The following CRYBG3 variants were observed in gnomAD, a reference collection of about 807,000 sequenced individuals.
The protein encoded by CRYBG3 is very large A-kinase anchor protein.
Under a neutral mutation model 244.2 loss-of-function variants are expected in CRYBG3, and 127 were observed. The observed-to-expected ratio is 0.52, with a 90% CI of 0.45 to 0.60. The LOEUF (loss-of-function observed/expected upper bound fraction) is 0.60, where lower values mean the gene tolerates loss of function less well. Among genes scored for constraint, CRYBG3 ranks in the 20% least tolerant of loss-of-function variants. CRYBG3 has a pLI of 0.00. For missense variants in CRYBG3, 3,325 were observed against 3,442.5 expected (o/e 0.97, Z 0.85); for synonymous variants, 1,132 against 1,195.8 (o/e 0.95, Z 1.10).
At position 97,871,982 on chromosome 3, in the gene CRYBG3, C is replaced by G. The variant is rs931966727; in HGVS notation, c.788C>G (p.Ser263Cys). ...TLDRENESSD[S>C]STNRHIDPGS... is the part of the protein sequence containing the mutation. ...GACAGAGAAAATGAAAGTTCTGACT[C>G]TAGTACAAACAGACACATTGACCCT... The change falls in exon 4 of 22, where the codon TCT (serine) becomes TGT (cysteine). Residue 263 changes from serine (S) to cysteine (C), a missense_variant. By Grantham distance (112) the Ser-to-Cys change is moderately radical. Transcript: ENST00000389622. The G allele has an allele frequency of 1.3e-6, 2 of 1,535,726 alleles. No individual in the cohort carries two copies. Among genetic ancestry groups the G allele is most frequent in the African/African-American group, 1.4e-5 (1 of 73,014 alleles).
chr3:97,840,514 T>A (rs2038796956), intron 1 of CRYBG3: 1 of 152,128 alleles, frequency 6.6e-6, no homozygotes, highest in Non-Finnish European at 1.5e-5. Flanking sequence ...GATTTACTGC[T>A]GTGTTTTTCT....
In CRYBG3 at chr3:97,892,977, C is replaced by T. The variant is rs369729142; in HGVS notation, c.7558C>T (p.Arg2520Cys). The change falls in exon 11 of 22, where the codon CGT becomes TGT. Residue 2520 changes from arginine (R) to cysteine (C), a missense_variant. Arg to Cys is a radical substitution (Grantham distance 180, BLOSUM62 -3). This residue lies in a region of CRYBG3 where 714 missense variants were observed against 803.6 expected (regional missense o/e 0.89). Transcript: ENST00000389622. Reference protein sequence around the residue: ...NGDFHRIGSIRVIGGVWVAYE... With the variant: ...NGDFHRIGSICVIGGVWVAYE... ...AGATTTTCACAGAATTGGATCAATT[C>T]GTGTCATTGGTGGAGTGTGAGTATC... 27 of 1,597,282 alleles carry T rather than the reference C, an allele frequency of 1.7e-5. No homozygotes were observed. The highest frequency in any genetic ancestry group is 6.8e-5 in the African/African-American group (5 of 73,760).
rs575558754 is a variant in CRYBG3, at chr3:97,940,638, A to C, written c.8506-510A>C. ...ACATACATGGTCTCTACTTTTGAAG[A>C]AATAAAGGTCTTATATAAACAAATA... On this transcript the variant is annotated intron_variant, in intron 19 of 21. Transcript: ENST00000389622. Among the ~76,000 whole-genome samples the C allele has an allele frequency of 1.1e-4, 17 of 152,170 alleles. No homozygotes were observed. In the South Asian group the frequency reaches 2.7e-3, roughly 24 times the overall value.
At chr3:97,933,909 A>G (rs2040127268) in intron 18 of CRYBG3, 76 bp downstream of exon 18, 1 of 1,299,864 alleles carries the variant, frequency 7.7e-7, no homozygotes, top group Non-Finnish European at 1.1e-6. Flanking sequence ...AACCAAGTCC[A>G]CTGTGTAGTA....
At chr3:97,822,882 C>T (rs1187299877) in intron 1 of CRYBG3, among the ~76,000 whole-genome samples, 2 of 152,190 alleles carry the variant, frequency 1.3e-5, no homozygotes, top group Non-Finnish European at 2.9e-5. Flanking sequence ...TTTTTGCCAT[C>T]TTATTTAAAT....
chr3:97,842,547 C>A (rs1216210407), intron 1 of CRYBG3, among the ~76,000 whole-genome samples: 1 of 151,622 alleles, frequency 6.6e-6, no homozygotes, highest in African/African-American at 2.4e-5. Context: ...AGAACAAGAC[C>A]ATCTCTAAAA....
intron 1 of CRYBG3, among the ~76,000 whole-genome samples, chr3:97,830,759 A>T (rs939034328): frequency 9.9e-5 from 15 of 152,150 alleles, no homozygotes; most frequent in African/African-American, 3.4e-4. Flanking sequence ...TCTTCAGTGT[A>T]GACTCTACAA....
In CRYBG3 at chr3:97,926,530, TA is replaced by T. The variant is rs1246642288; in HGVS notation, c.8242-7163del. 3.3e-5 allele frequency among the ~76,000 whole-genome samples: 5 copies of T among 152,040 alleles called. No homozygotes were observed. In the East Asian group the frequency reaches 7.8e-4, roughly 24 times the overall value. On this transcript the variant is annotated intron_variant, in intron 17 of 21. Transcript: ENST00000389622. Reference sequence around the variant, plus strand: ...GGAACAGGAGAAGGATGCCCACTCTTACCTCTGCTGTTCAGTATAGCACTGG... The same window carrying T: ...GGAACAGGAGAAGGATGCCCACTCTTCCTCTGCTGTTCAGTATAGCACTGG...
intron 15 of CRYBG3, 140 bp from the exon 16 acceptor site, chr3:97,912,026 TG>T (rs2039878299): frequency 2.2e-6 from 1 of 463,550 alleles, no homozygotes; most frequent in African/African-American, 2.0e-5. Context: ...ATCCCTAACA[TG>T]AATTCATTGA....
At chr3:97,850,250 T>G (rs1273844393) in intron 2 of CRYBG3, among the ~76,000 whole-genome samples, 2 of 152,172 alleles carry the variant, frequency 1.3e-5, no homozygotes, top group African/African-American at 4.8e-5. Context: ...TGATACTATA[T>G]AACTCATACT....
At chr3:97,897,239 G>A (rs1498653) in intron 12 of CRYBG3, among the ~76,000 whole-genome samples, 69,390 of 151,612 alleles carry the variant, frequency 0.46, 16,713 homozygotes, top group East Asian at 0.67. Flanking sequence ...GATCTCCACC[G>A]ATGTCTCATA....
chr3:97,941,389 A>T, intron 20 of CRYBG3, 83 bp downstream of exon 20: 1 of 990,572 alleles, frequency 1.0e-6, no homozygotes, highest in Non-Finnish European at 1.4e-6. Flanking sequence ...ATCAACTGGC[A>T]TGATAAAACA....
intron 2 of CRYBG3, among the ~76,000 whole-genome samples, chr3:97,863,057 TTATGATG>T (rs1298200180): frequency 6.6e-6 from 1 of 152,150 alleles, no homozygotes; most frequent in Non-Finnish European, 1.5e-5. Flanking sequence ...GACATTATAA[TTATGATG>T]TTCTTGCCTT....
intron 11 of CRYBG3, among the ~76,000 whole-genome samples, 165 bp from the exon 12 acceptor site, chr3:97,895,794 T>C (rs899393645): frequency 3.3e-5 from 5 of 152,230 alleles, no homozygotes; most frequent in Non-Finnish European, 7.3e-5. Flanking sequence ...TATTGATCTA[T>C]GAAGCACACA....
At chr3:97,914,395 T>G (rs913369821) in intron 16 of CRYBG3, among the ~76,000 whole-genome samples, 2 of 152,204 alleles carry the variant, frequency 1.3e-5, no homozygotes, top group Non-Finnish European at 2.9e-5. Flanking sequence ...ATTGAAGTTT[T>G]TCTGGAGGAA....
At position 97,933,677 on chromosome 3, in the gene CRYBG3, T is replaced by G; in HGVS notation, c.8242-17T>G. 3 of 1,612,298 alleles carry G rather than the reference T, an allele frequency of 1.9e-6. No homozygotes were observed. Among genetic ancestry groups the G allele is most frequent in the Non-Finnish European group, 2.5e-6 (3 of 1,178,914 alleles). ...TATGGCCACTCCTATGGTGACGCTT[T>G]CTTTTTCTGCTAATAGGTTTTTGAA... On this transcript the variant is annotated splice_polypyrimidine_tract_variant and intron_variant, in intron 17 of 21. Coordinates refer to ENST00000389622, the MANE Select transcript of CRYBG3 (RefSeq NM_153605.4).
chr3:97,822,429 G>T lies in CRYBG3; in HGVS notation c.149+74G>T. Reference sequence around the variant, plus strand: ...GATGAAGGCTCCCGGCCTGACCGCCGGCAGCGGGCCGCTCTTGGGCCAGGC... The same window carrying T: ...GATGAAGGCTCCCGGCCTGACCGCCTGCAGCGGGCCGCTCTTGGGCCAGGC... On this transcript the variant is annotated intron_variant, in intron 1 of 21. Coordinates refer to ENST00000389622, the MANE Select transcript of CRYBG3 (RefSeq NM_153605.4). 2.3e-6 allele frequency: 3 copies of T among 1,331,524 alleles called. No homozygotes were observed. The South Asian group carries it at 4.9e-5, about 22-fold the overall frequency. 82.5% of individuals were successfully genotyped at this position (1,331,524 alleles called of 1,614,324 possible). A position where few individuals can be genotyped will look rare whatever the true frequency, so the allele number is the denominator to read the frequency against.
At position 97,943,288 on chromosome 3, in the gene CRYBG3, C is replaced by G; in HGVS notation, c.8887C>G (p.Gln2963Glu). ...TCAGCCCCTGGAGGGAGAAGAAACA[C>G]AGAAATGGGACATTGAAATATTGTG... ...VNQPLEGEETQKWDIEIL is the reference protein window; with the variant it reads ...VNQPLEGEETEKWDIEIL The change falls in exon 22 of 22, where the codon CAG becomes GAG. Residue 2963 changes from glutamine to glutamate, a missense_variant. Transcript: ENST00000389622. 1 of 1,584,300 alleles carries G rather than the reference C, an allele frequency of 6.3e-7. No homozygotes were observed. Among genetic ancestry groups the G allele is most frequent in the Non-Finnish European group, 8.7e-7 (1 of 1,154,590 alleles).
intron 15 of CRYBG3, among the ~76,000 whole-genome samples, chr3:97,901,211 A>G (rs2039703531): frequency 6.6e-6 from 1 of 152,240 alleles, no homozygotes. Context: ...AGACATAATC[A>G]TGATACGAGC....
Sources: gnomAD v4.1 joint callset for allele counts (sites outside exome capture counted in the v4.1 genomes callset) on GRCh38, gnomAD v4.1.1 for gene constraint, gnomAD v4.1.1 regional missense constraint, MANE v1.5 for transcripts, NCBI Gene and HGNC (gene_info 2026-07-23, HGNC 2026-07-21) for gene names.